ANKRD26: variants seen among roughly 807,000 people sequenced by gnomAD.
ANKRD26 encodes ankyrin repeat domain 26.
ANKRD26 carries 141 observed loss-of-function variants against 208.7 expected under a neutral mutation model. That is an observed-to-expected ratio of 0.68 (90% CI 0.59 to 0.78). The LOEUF is 0.78. ANKRD26 is among the 30% of genes least tolerant of loss of function. ANKRD26 has a pLI of 0.00. For missense variants in ANKRD26, 1,889 were observed against 1,938.7 expected, an observed-to-expected ratio of 0.97 and a Z score of 0.48; for synonymous variants, 636 against 660.4, an observed-to-expected ratio of 0.96 and a Z score of 0.57.
chr10:27,074,547 A>G (rs918143426), intron 9 of ANKRD26, among the ~76,000 whole-genome samples: 16 of 152,010 alleles, frequency 1.1e-4, no homozygotes, highest in African/African-American at 2.9e-4. Context: ...TGGACATGGT[A>G]GCGTATACCT....
chr10:26,997,759 T>C (rs949969719), intron 4 of ANKRD26, among the ~76,000 whole-genome samples: 7 of 152,178 alleles, frequency 4.6e-5, no homozygotes, highest in Admixed American at 4.6e-4. Context: ...TAGCCATGTG[T>C]TTCGGAGAAA....
chr10:27,056,729 A>C (rs1384715738), intron 15 of ANKRD26, among the ~76,000 whole-genome samples: 1 of 152,084 alleles, frequency 6.6e-6, no homozygotes, highest in Non-Finnish European at 1.5e-5. Flanking sequence ...GTGAGCTGAG[A>C]TCATGCCATT....
At chr10:26,962,991 A>G in the ANKRD26 span, among the ~76,000 whole-genome samples, 3 of 152,068 alleles carry the variant, frequency 2.0e-5, no homozygotes, top group East Asian at 5.8e-4. Flanking sequence ...TCTTGCTGCA[A>G]CCCTACTCGG....
the ANKRD26 span, among the ~76,000 whole-genome samples, chr10:26,958,073 T>TATATATA: frequency 8.3e-5 from 12 of 144,212 alleles, no homozygotes; most frequent in East Asian, 9.9e-4. Context: ...TCACCCAGTT[T>TATATATA]TATATATATA....
intron 6 of ANKRD26, among the ~76,000 whole-genome samples, 171 bp from the exon 7 acceptor site, chr10:27,079,332 TG>T (rs954738898): frequency 2.0e-5 from 3 of 152,230 alleles, no homozygotes; most frequent in Admixed American, 6.5e-5. Context: ...AATTTGATCT[TG>T]TTTTTGAAAA....
chr10:27,017,045 T>G (rs1228037710), intron 30 of ANKRD26, among the ~76,000 whole-genome samples: 1 of 152,132 alleles, frequency 6.6e-6, no homozygotes, highest in Non-Finnish European at 1.5e-5. Context: ...AATTAAAAAT[T>G]TAGCCAGGCA....
At chr10:26,985,282 A>G (rs1364313990) in intron 3 of ANKRD26, among the ~76,000 whole-genome samples, 1 of 152,112 alleles carries the variant, frequency 6.6e-6, no homozygotes, top group African/African-American at 2.4e-5. Flanking sequence ...GGCACCATGA[A>G]TGATAGTTTC....
In ANKRD26 at chr10:27,042,327, G is replaced by A. The variant is rs563258897; in HGVS notation, c.2161+1099C>T. The stretch of plus-strand genomic sequence containing the variant: ...TGGATCACACACCTAAATGTAAGAC[G>A]CAAAACTGGCTGGGCACGGTGGCTC... On this transcript the variant is annotated intron_variant, in intron 20 of 33. Transcript: ENST00000376087. Among the ~76,000 whole-genome samples the A allele has an allele frequency of 6.6e-5, 10 of 152,264 alleles. No individual in the cohort carries two copies. The South Asian group carries it at 1.7e-3, about 25-fold the overall frequency.
chr10:27,077,938 T>C (rs1270390433), intron 7 of ANKRD26, among the ~76,000 whole-genome samples: 1 of 152,176 alleles, frequency 6.6e-6, no homozygotes, highest in Non-Finnish European at 1.5e-5. Flanking sequence ...TTGATTATTA[T>C]ATAAATACTA....
the ANKRD26 span, among the ~76,000 whole-genome samples, chr10:26,962,435 C>T: frequency 6.6e-6 from 1 of 151,678 alleles, no homozygotes; most frequent in Non-Finnish European, 1.5e-5. Context: ...ATTAGCCAGG[C>T]GTGGTGGCGG....
chr10:26,971,201 T>C (rs1052275069), downstream of ANKRD26, among the ~76,000 whole-genome samples: 1 of 151,806 alleles, frequency 6.6e-6, no homozygotes, highest in African/African-American at 2.4e-5. Context: ...CTGGCCATCA[T>C]GGCCAAACCC....
intron 28 of ANKRD26, 56 bp downstream of exon 28, chr10:27,024,391 A>G (rs1337915775): frequency 1.0e-6 from 1 of 954,662 alleles, no homozygotes; most frequent in Non-Finnish European, 1.6e-6. Context: ...ACAAAGTAAA[A>G]TTATATTAAA....
At chr10:27,072,899 C>T (rs1171693162) in intron 9 of ANKRD26, among the ~76,000 whole-genome samples, 1 of 152,168 alleles carries the variant, frequency 6.6e-6, no homozygotes, top group Non-Finnish European at 1.5e-5. Context: ...CCCTTCCCAC[C>T]CTATCAGAGC....
chr10:26,999,804 A>C (rs1466040568), downstream of ANKRD26, among the ~76,000 whole-genome samples: 2 of 137,054 alleles, frequency 1.5e-5, no homozygotes, highest in Non-Finnish European at 3.1e-5. Context: ...GACCAAAACC[A>C]ACCAAAAAAA....
intron 1 of ANKRD26, among the ~76,000 whole-genome samples, chr10:27,094,431 C>T (rs1454400473): frequency 6.6e-6 from 1 of 152,142 alleles, no homozygotes; most frequent in Non-Finnish European, 1.5e-5. Context: ...TTCAGTTCAA[C>T]TTGGGGTTGA....
chr10:27,077,314 A>G (rs2055734318), intron 9 of ANKRD26, 24 bp downstream of exon 9: 1 of 1,574,228 alleles, frequency 6.4e-7, no homozygotes. Context: ...GTACATGAAA[A>G]AAGTTTTTTA....
rs2054009774 is a variant in ANKRD26, at chr10:27,035,361, A to G, written c.3089T>C (p.Leu1030Pro). 1 of 1,613,846 alleles carries G rather than the reference A, an allele frequency of 6.2e-7. No individual in the cohort carries two copies. The highest frequency in any genetic ancestry group is 1.3e-5 in the African/African-American group (1 of 74,924). ...RDQSETSKRE[L>P]ELAFQRARDE... ...TCTTGCTCTCTGGAAAGCAAGTTCT[A>G]GTTCTCTTTTTGATGTCTCACTTTG... Residue 1030 changes from leucine to proline, a missense_variant, in exon 24 of 34, where the codon CTA (leucine) becomes CCA (proline). Transcript: ENST00000376087.
At chr10:27,026,818 A>C (rs1465344777) in intron 27 of ANKRD26, among the ~76,000 whole-genome samples, 1 of 149,654 alleles carries the variant, frequency 6.7e-6, no homozygotes, top group Non-Finnish European at 1.5e-5. Context: ...TTTTTTTTTG[A>C]GATGGAGTCT....
chr10:27,034,761 A>G (rs769873128), intron 24 of ANKRD26, 35 bp downstream of exon 24: 1 of 1,421,534 alleles, frequency 7.0e-7, no homozygotes, highest in East Asian at 2.3e-5. Flanking sequence ...TTCTTTCAGG[A>G]GGTTTGAAAA....
Sources: gnomAD v4.1 joint callset for allele counts (sites outside exome capture counted in the v4.1 genomes callset) on GRCh38, gnomAD v4.1.1 for gene constraint, MANE v1.5 for transcripts, NCBI Gene and HGNC (gene_info 2026-07-23, HGNC 2026-07-21) for gene names.